FOXN2: variants seen among roughly 807,000 people sequenced by gnomAD.
FOXN2 encodes the protein forkhead box N2.
Under a neutral mutation model 41.2 loss-of-function variants are expected in FOXN2, and 19 were observed. The observed-to-expected ratio is 0.46, with a 90% CI of 0.32 to 0.68. The LOEUF (loss-of-function observed/expected upper bound fraction) is 0.68, where lower values mean the gene tolerates loss of function less well. Among genes scored for constraint, FOXN2 ranks in the 30% least tolerant of loss-of-function variants. The pLI is 0.03. For synonymous variants in FOXN2, 195 were observed against 176.8 expected, an observed-to-expected ratio of 1.10 and a Z score of -0.82; for missense variants, 587 against 509.4, an observed-to-expected ratio of 1.15 and a Z score of -1.47.
intron 5 of FOXN2, among the ~76,000 whole-genome samples, chr2:48,370,476 A>G (rs1380715862): frequency 6.6e-6 from 1 of 152,160 alleles, no homozygotes; most frequent in Non-Finnish European, 1.5e-5. Flanking sequence ...GCCCAACTGT[A>G]GCCTACCTTC....
At chr2:48,339,521 G>A (rs912301380) in intron 2 of FOXN2, among the ~76,000 whole-genome samples, 2 of 152,152 alleles carry the variant, frequency 1.3e-5, no homozygotes, top group Non-Finnish European at 2.9e-5. Flanking sequence ...AAAACTATGA[G>A]CCAATTAAAC....
At chr2:48,323,503 T>C (rs1669472246) in intron 1 of FOXN2, among the ~76,000 whole-genome samples, 1 of 152,212 alleles carries the variant, frequency 6.6e-6, no homozygotes. Context: ...GTTGAGCATT[T>C]TTTTCATGTT....
At position 48,342,997 on chromosome 2, in the gene FOXN2, A is replaced by C. The variant is rs79108185; in HGVS notation, c.-14-3204A>C. Among the ~76,000 whole-genome samples the C allele has an allele frequency of 4.5e-3, 690 of 152,340 alleles. 4 individuals are homozygous for C. Among genetic ancestry groups the C allele is most frequent in the African/African-American group, 0.016 (655 of 41,578 alleles). ...TAACATACTTGCAACCATTTAAATT[A>C]CTTATGAGAAAATTTAGTCAATAGT... On this transcript the variant is annotated intron_variant, in intron 2 of 6. Coordinates refer to ENST00000340553, the MANE Select transcript of FOXN2 (RefSeq NM_002158.4).
intron 2 of FOXN2, among the ~76,000 whole-genome samples, chr2:48,343,740 C>T (rs771847192): frequency 7.3e-5 from 11 of 150,202 alleles, no homozygotes; most frequent in Admixed American, 1.3e-4. Context: ...GCCTGGGTGA[C>T]GGAGTGAGAC....
intron 6 of FOXN2, 131 bp from the exon 7 acceptor site, chr2:48,374,789 A>G (rs1485159164): frequency 1.3e-6 from 1 of 787,384 alleles, no homozygotes; most frequent in African/African-American, 1.7e-5. Context: ...TGGGTAAAAA[A>G]AAATAAAAAA....
chr2:48,337,162 A>G (rs947054007), intron 2 of FOXN2, among the ~76,000 whole-genome samples: 3 of 151,088 alleles, frequency 2.0e-5, no homozygotes, highest in Admixed American at 2.0e-4. Context: ...GACGTTCATG[A>G]TTTCAATTCA....
chr2:48,344,840 A>AACC (rs1491540182), intron 2 of FOXN2, among the ~76,000 whole-genome samples: 17 of 129,110 alleles, frequency 1.3e-4, no homozygotes, highest in Admixed American at 1.7e-4. Context: ...CTCTGGAGGT[A>AACC]CCCCCCCCCC....
intron 2 of FOXN2, among the ~76,000 whole-genome samples, chr2:48,331,458 A>C (rs966743776): frequency 3.9e-5 from 6 of 152,222 alleles, no homozygotes; most frequent in African/African-American, 9.6e-5. Flanking sequence ...AATCGAACCA[A>C]GTTAATTGCA....
chr2:48,374,953 A>C lies in FOXN2; in HGVS notation c.806A>C (p.Gln269Pro), dbSNP rs760479463. 3.2e-5 allele frequency: 51 copies of C among 1,612,496 alleles called. No individual in the cohort carries two copies. Among genetic ancestry groups the C allele is most frequent in the Non-Finnish European group, 4.2e-5 (50 of 1,178,992 alleles). Reference sequence around the variant, plus strand: ...CCTCTTCCTCTTAAAACAGCATTGCAAAAAAAGAGGAGTTACGGCAATGCA... The same window carrying C: ...CCTCTTCCTCTTAAAACAGCATTGCCAAAAAAGAGGAGTTACGGCAATGCA... ...EKPLPLKTAL[Q>P]KKRSYGNAFH... The change falls in exon 7 of 7, where the codon CAA becomes CCA. Residue 269 changes from glutamine (Q) to proline (P), a missense_variant. Transcript: ENST00000340553.
At chr2:48,349,034 C>T (rs913624082) in intron 3 of FOXN2, among the ~76,000 whole-genome samples, 1 of 152,194 alleles carries the variant, frequency 6.6e-6, no homozygotes, top group Non-Finnish European at 1.5e-5. Flanking sequence ...GTGCCTCCCC[C>T]AGGAGCAGAC....
chr2:48,355,719 A>G (rs529262279), intron 3 of FOXN2, among the ~76,000 whole-genome samples: 2 of 152,302 alleles, frequency 1.3e-5, no homozygotes, highest in East Asian at 1.9e-4. Flanking sequence ...TCTAGAGATG[A>G]TAATCCCAAT....
At chr2:48,372,574 A>G (rs1350782152) in intron 5 of FOXN2, among the ~76,000 whole-genome samples, 1 of 152,154 alleles carries the variant, frequency 6.6e-6, no homozygotes, top group East Asian at 1.9e-4. Flanking sequence ...TATATCACCA[A>G]GATGAAGAAC....
intron 1 of FOXN2, among the ~76,000 whole-genome samples, chr2:48,325,155 A>T (rs931742466): frequency 6.6e-6 from 1 of 152,178 alleles, no homozygotes; most frequent in African/African-American, 2.4e-5. Context: ...TCTAGGCAGG[A>T]TGTCAGGCTA....
At chr2:48,338,691 G>C (rs1246591485) in intron 2 of FOXN2, among the ~76,000 whole-genome samples, 1 of 152,058 alleles carries the variant, frequency 6.6e-6, no homozygotes, top group Non-Finnish European at 1.5e-5. Flanking sequence ...GAGCCACCGC[G>C]CCTGGCCTGA....
rs566163399 is a variant in FOXN2 at position 48,345,266 on chromosome 2, T to A, written c.-14-935T>A. On this transcript the variant is annotated intron_variant, in intron 2 of 6. Transcript: ENST00000340553. ...TTTAGCTAATGATAAATTTAGTGAA[T>A]AAGAAGTGTTATCTTGTTAGACTTA... is the stretch of plus-strand genomic sequence containing the variant. 2.4e-4 allele frequency among the ~76,000 whole-genome samples: 36 copies of A among 152,184 alleles called. 1 individual carries two copies. The South Asian group carries it at 7.2e-3, about 31-fold the overall frequency.
intron 2 of FOXN2, among the ~76,000 whole-genome samples, chr2:48,329,454 T>A (rs1043223747): frequency 5.3e-5 from 8 of 152,164 alleles, no homozygotes; most frequent in Non-Finnish European, 1.0e-4. Context: ...TTACTCTCAT[T>A]TGAGAAGCAA....
chr2:48,335,552 G>GCAAAAACATCTTTAAAGATCATGGA (rs1473254895), intron 2 of FOXN2, among the ~76,000 whole-genome samples: 1 of 51,708 alleles, frequency 1.9e-5, no homozygotes, highest in Non-Finnish European at 5.0e-5. Context: ...GAATTCTATA[G>GCAAAAACATCTTTAAAGATCATGGA]CAAAAACATG....
Position 48,315,284 on chromosome 2 carries a change from A to G in FOXN2, c.-157+470A>G, listed in dbSNP as rs949880523. The stretch of plus-strand genomic sequence containing the variant: ...CCTCTGGCTTGAAGTGGAGCGAGAC[A>G]TGTCGGGCTCGGAGTCCTCGTCCGG... On this transcript the variant is annotated intron_variant, in intron 1 of 6. Coordinates refer to ENST00000340553, the MANE Select transcript of FOXN2 (RefSeq NM_002158.4). Among the ~76,000 whole-genome samples, 3 of 152,100 alleles carry G rather than the reference A, an allele frequency of 2.0e-5. No individual in the cohort carries two copies. In the South Asian group the frequency reaches 6.2e-4, roughly 31 times the overall value.
At chr2:48,356,520 A>G (rs550206914) in intron 3 of FOXN2, among the ~76,000 whole-genome samples, 1 of 152,262 alleles carries the variant, frequency 6.6e-6, no homozygotes, top group South Asian at 2.1e-4. Context: ...TATTACTATG[A>G]GACTTTAGCT....
Sources: gnomAD v4.1 joint callset for allele counts (sites outside exome capture counted in the v4.1 genomes callset) on GRCh38, gnomAD v4.1.1 for gene constraint, MANE v1.5 for transcripts, NCBI Gene and HGNC (gene_info 2026-07-23, HGNC 2026-07-21) for gene names.